NT5C3A: variants seen among roughly 807,000 people sequenced by gnomAD.
NT5C3A encodes the protein 5'-nucleotidase, cytosolic IIIA.
A neutral mutation model predicts 40.0 loss-of-function variants in NT5C3A; 23 were observed. The observed-to-expected ratio is 0.58, with a 90% CI of 0.41 to 0.81. NT5C3A has a LOEUF of 0.81. Among genes scored for constraint, NT5C3A ranks in the 40% least tolerant of loss-of-function variants. The pLI is 0.00. For synonymous variants in NT5C3A, 130 were observed against 141.4 expected (o/e 0.92, Z 0.57); for missense variants, 328 against 403.0 (o/e 0.81, Z 1.59).
At position 33,014,255 on chromosome 7, in the gene NT5C3A, A is replaced by AC; in HGVS notation, c.*474_*475insG. ...TAACTGCTAGTCTTTTCCAGTAAAT[A>AC]TTTTTTCCCCAGACAAAATAACCAA... On this transcript the variant is annotated 3_prime_UTR_variant, in exon 9 of 9. Transcript: ENST00000610140. 2.2e-6 allele frequency: 1 copy of AC among 454,510 alleles called. No homozygotes were observed. 28.2% of individuals were successfully genotyped at this position (454,510 alleles called of 1,614,324 possible).
chr7:33,061,570 G>A (rs1232417651), intron 1 of NT5C3A, among the ~76,000 whole-genome samples: 1 of 152,152 alleles, frequency 6.6e-6, no homozygotes, highest in Non-Finnish European at 1.5e-5. Flanking sequence ...TCAACCTGGG[G>A]TCAGTACAAC....
At chr7:33,053,973 A>G (rs1056058874) in intron 1 of NT5C3A, among the ~76,000 whole-genome samples, 56 of 152,344 alleles carry the variant, frequency 3.7e-4, no homozygotes, top group Non-Finnish European at 7.2e-4. Flanking sequence ...ATGATTTGAA[A>G]GGACAAAGTC....
chr7:33,055,549 G>A (rs578189901), intron 1 of NT5C3A, among the ~76,000 whole-genome samples: 2 of 152,142 alleles, frequency 1.3e-5, no homozygotes, highest in Non-Finnish European at 2.9e-5. Context: ...AATTCAGCTT[G>A]ACTGAAATAG....
At chr7:33,040,230 A>C (rs893141441) in intron 1 of NT5C3A, among the ~76,000 whole-genome samples, 2 of 152,210 alleles carry the variant, frequency 1.3e-5, no homozygotes, top group Admixed American at 1.3e-4. Context: ...TTTAAAGGAA[A>C]AAAAAACCTA....
intron 1 of NT5C3A, among the ~76,000 whole-genome samples, chr7:33,039,625 C>T (rs1019366084): frequency 1.6e-5 from 2 of 122,832 alleles, no homozygotes; most frequent in Non-Finnish European, 3.2e-5. Flanking sequence ...CAAACTGTAA[C>T]TTCATCTTTT....
At chr7:33,034,365 G>A (rs926202623) in intron 1 of NT5C3A, among the ~76,000 whole-genome samples, 4 of 152,054 alleles carry the variant, frequency 2.6e-5, no homozygotes, top group Admixed American at 1.3e-4. Context: ...TAGGACCCAA[G>A]TAACAACATT....
intron 1 of NT5C3A, chr7:33,029,832 G>T: frequency 1.9e-6 from 1 of 514,564 alleles, no homozygotes; most frequent in Non-Finnish European, 3.3e-6. Context: ...CTCCCAAAGT[G>T]CTGGGATTAC....
chr7:33,027,930 T>C (rs576673037), intron 1 of NT5C3A, among the ~76,000 whole-genome samples: 1 of 152,318 alleles, frequency 6.6e-6, no homozygotes, highest in African/African-American at 2.4e-5. Flanking sequence ...TTAGCTTGCC[T>C]ACATATTTAT....
intron 1 of NT5C3A, among the ~76,000 whole-genome samples, chr7:33,030,837 G>C (rs758742527): frequency 2.1e-4 from 32 of 151,746 alleles, no homozygotes; most frequent in Non-Finnish European, 4.3e-4. Context: ...TGGTGGCTCA[G>C]GCCTGTAATC....
At position 33,032,423 on chromosome 7, in the gene NT5C3A, C is replaced by CAAAAAAA. The variant is rs34501041; in HGVS notation, c.139-5515_139-5509dup. Reference sequence around the variant, plus strand: ...GGGTGACAGAGTGAGACTCGGTCTCCAAAAAAAAAAAAAAAAAAATTTACT... The same window carrying CAAAAAAA: ...GGGTGACAGAGTGAGACTCGGTCTCCAAAAAAAAAAAAAAAAAAAAAAAAAATTTACT... On this transcript the variant is annotated intron_variant, in intron 1 of 8. Coordinates refer to ENST00000610140, the MANE Select transcript of NT5C3A (RefSeq NM_001002010.5). Among the ~76,000 whole-genome samples the CAAAAAAA allele has an allele frequency of 2.6e-4, 25 of 94,822 alleles. No homozygotes were observed. In the East Asian group the frequency reaches 5.5e-3, roughly 21 times the overall value. The allele number at this position is 94,822 out of a possible 152,430, so 62.2% of individuals were successfully genotyped here. A position where few individuals can be genotyped will look rare whatever the true frequency, so the allele number is the denominator to read the frequency against.
At chr7:33,024,161 A>G in intron 2 of NT5C3A, 53 bp from the exon 3 acceptor site, 1 of 1,018,600 alleles carries the variant, frequency 9.8e-7, no homozygotes, top group South Asian at 1.3e-5. Context: ...CATGGCCAGA[A>G]TTTCTCTGTG....
intron 1 of NT5C3A, chr7:33,029,624 C>T: frequency 7.8e-7 from 1 of 1,284,254 alleles, no homozygotes; most frequent in South Asian, 1.2e-5. Flanking sequence ...CCCAAGATGT[C>T]TTACCTCAGG....
intron 7 of NT5C3A, 145 bp downstream of exon 7, chr7:33,017,294 C>G: frequency 1.6e-6 from 1 of 630,596 alleles, no homozygotes; most frequent in Non-Finnish European, 2.8e-6. Flanking sequence ...TATATTAACA[C>G]TGAGAAGGAT....
chr7:33,029,323 G>T, intron 1 of NT5C3A: 1 of 214,328 alleles, frequency 4.7e-6, no homozygotes, highest in South Asian at 6.7e-5. Context: ...ACACACTCTT[G>T]CTAAATGCTA....
At chr7:33,048,625 A>C (rs532257414) in intron 1 of NT5C3A, among the ~76,000 whole-genome samples, 4 of 152,342 alleles carry the variant, frequency 2.6e-5, no homozygotes, top group Admixed American at 2.6e-4. Flanking sequence ...TAGCCAAATT[A>C]AATTTCAGTA....
At chr7:33,021,021 A>T (rs1785596703) in intron 5 of NT5C3A, among the ~76,000 whole-genome samples, 1 of 152,104 alleles carries the variant, frequency 6.6e-6, no homozygotes, top group African/African-American at 2.4e-5. Flanking sequence ...TCTTGTTTTT[A>T]ATTTGAGACT....
chr7:33,047,157 T>C (rs976996871), intron 1 of NT5C3A, among the ~76,000 whole-genome samples: 1 of 152,116 alleles, frequency 6.6e-6, no homozygotes, highest in African/African-American at 2.4e-5. Context: ...TCCTTCTACA[T>C]CTCACAATTG....
chr7:33,021,362 G>A lies in NT5C3A; in HGVS notation c.355-5C>T. The A allele has an allele frequency of 6.2e-7, 1 of 1,609,294 alleles. No homozygotes were observed. Among genetic ancestry groups the A allele is most frequent in the South Asian group, 1.1e-5 (1 of 90,638 alleles). ...TTTTTCCTTTAGTTGCAATAACTAG[G>A]AAGATATGAATAACTTAATCATGAA... On this transcript the variant is annotated splice_region_variant and splice_polypyrimidine_tract_variant and intron_variant, in intron 4 of 8. Coordinates refer to ENST00000610140, the MANE Select transcript of NT5C3A (RefSeq NM_001002010.5).
At chr7:33,038,921 T>C (rs1211391686) in intron 1 of NT5C3A, 1 of 456,106 alleles carries the variant, frequency 2.2e-6, no homozygotes, top group South Asian at 1.6e-5. Flanking sequence ...CTGCCCTTGA[T>C]CTACGAACTC....
Sources: gnomAD v4.1 joint callset for allele counts (sites outside exome capture counted in the v4.1 genomes callset) on GRCh38, gnomAD v4.1.1 for gene constraint, MANE v1.5 for transcripts, NCBI Gene and HGNC (gene_info 2026-07-23, HGNC 2026-07-21) for gene names.